The following LRRC49 variants were observed in gnomAD, a reference collection of about 807,000 sequenced individuals.
LRRC49 encodes leucine rich repeat containing 49, also known as leucine-rich repeat-containing protein 49.
A neutral mutation model predicts 83.3 loss-of-function variants in LRRC49; 50 were observed. The observed-to-expected ratio is 0.60, with a 90% CI of 0.48 to 0.76. The LOEUF (loss-of-function observed/expected upper bound fraction) is 0.76. Ranked by LOEUF, LRRC49 falls within the 30% of genes least tolerant of loss-of-function variation. LRRC49 has a pLI of 0.00. For synonymous variants in LRRC49, 286 were observed against 283.3 expected (o/e 1.01, Z -0.10); for missense variants, 704 against 809.1 (o/e 0.87, Z 1.58).
chr15:70,936,853 T>G, intron 8 of LRRC49, 31 bp downstream of exon 8: 1 of 1,412,108 alleles, frequency 7.1e-7, no homozygotes, highest in Non-Finnish European at 1.0e-6. Flanking sequence ...TGTCATTCAT[T>G]ATAACTTGAT....
At chr15:70,879,085 G>T (rs977320842) in intron 2 of LRRC49, among the ~76,000 whole-genome samples, 7 of 152,208 alleles carry the variant, frequency 4.6e-5, no homozygotes, top group Admixed American at 4.6e-4. Flanking sequence ...TTTCTTTGTG[G>T]AAAGGATTAT....
chr15:70,853,787 C>T lies in LRRC49; in HGVS notation c.-299+318C>T, dbSNP rs1261236098. 3.4e-6 allele frequency: 3 copies of T among 889,152 alleles called. No individual in the cohort carries two copies. In the African/African-American group the frequency reaches 5.3e-5, roughly 16 times the overall value. The allele number at this position is 889,152 out of a possible 1,614,324, so 55.1% of individuals were successfully genotyped here. ...TCCCCGGCGGCGGGGCTGACTCAAC[C>T]CCCTCTGCCCGAGGAGTTGTCGCGC... On this transcript the variant is annotated intron_variant, in intron 1 of 16. Coordinates refer to the LRRC49 transcript ENST00000544974.
At chr15:70,978,538 G>T (rs1279248001) in intron 9 of LRRC49, among the ~76,000 whole-genome samples, 1 of 152,182 alleles carries the variant, frequency 6.6e-6, no homozygotes, top group African/African-American at 2.4e-5. Context: ...AGAATATTTG[G>T]TGAACAGCTT....
intron 11 of LRRC49, among the ~76,000 whole-genome samples, chr15:70,999,610 A>C (rs745705413): frequency 6.6e-6 from 1 of 152,118 alleles, no homozygotes; most frequent in Non-Finnish European, 1.5e-5. Flanking sequence ...AAGATCAGCC[A>C]GGGGTTAGGG....
chr15:70,892,716 G>C (rs2033634080), upstream of LRRC49: 1 of 1,476,302 alleles, frequency 6.8e-7, no homozygotes, highest in African/African-American at 1.4e-5. Flanking sequence ...AATACAACTA[G>C]AAGCTGCAAC....
intron 11 of LRRC49, among the ~76,000 whole-genome samples, chr15:70,990,723 G>A (rs960049005): frequency 7.9e-5 from 12 of 152,224 alleles, no homozygotes; most frequent in Non-Finnish European, 1.3e-4. Flanking sequence ...CCCGTCTTCT[G>A]CGTCACTCAC....
chr15:70,988,908 C>T (rs2037746016), intron 11 of LRRC49, among the ~76,000 whole-genome samples: 1 of 152,066 alleles, frequency 6.6e-6, no homozygotes, highest in African/African-American at 2.4e-5. Flanking sequence ...CTTAGTTTGG[C>T]TGTATATGAA....
At chr15:70,948,591 A>G (rs1475247297) in intron 8 of LRRC49, among the ~76,000 whole-genome samples, 3 of 151,778 alleles carry the variant, frequency 2.0e-5, no homozygotes, top group Non-Finnish European at 2.9e-5. Context: ...TGATTTCTCA[A>G]GAAGGGTCCT....
At chr15:71,029,261 C>G (rs1225492595) in intron 14 of LRRC49, among the ~76,000 whole-genome samples, 1 of 151,942 alleles carries the variant, frequency 6.6e-6, no homozygotes, top group East Asian at 1.9e-4. Flanking sequence ...TACTATTTTC[C>G]CAGTAGTCAT....
At chr15:70,895,295 C>T (rs1457617948) in intron 2 of LRRC49, among the ~76,000 whole-genome samples, 1 of 151,954 alleles carries the variant, frequency 6.6e-6, no homozygotes, top group East Asian at 1.9e-4. Flanking sequence ...TCTTAGAAGG[C>T]TTAAATATAC....
At chr15:70,878,846 A>G (rs201698432) in intron 2 of LRRC49, among the ~76,000 whole-genome samples, 2 of 152,328 alleles carry the variant, frequency 1.3e-5, no homozygotes, top group East Asian at 3.9e-4. Flanking sequence ...ATTGCAGGAT[A>G]TGTTTGCTAA....
At chr15:70,972,779 C>T (rs995688571) in intron 9 of LRRC49, among the ~76,000 whole-genome samples, 6 of 151,972 alleles carry the variant, frequency 3.9e-5, no homozygotes, top group Admixed American at 2.0e-4. Flanking sequence ...ATCGATTTAG[C>T]TATTGATACT....
At position 70,923,430 on chromosome 15, in the gene LRRC49, T is replaced by C. The variant is rs187550307; in HGVS notation, c.711+4237T>C. On this transcript the variant is annotated intron_variant, in intron 7 of 15. Coordinates refer to ENST00000260382, the MANE Select transcript of LRRC49 (RefSeq NM_017691.5). ...GTTTAAAATTAATATATCTTCTTGGTAATTGTTCCTTTTATTGTTATGTAT... is the reference window on the plus strand; with the variant it reads ...GTTTAAAATTAATATATCTTCTTGGCAATTGTTCCTTTTATTGTTATGTAT... Among the ~76,000 whole-genome samples, 1,022 of 152,102 alleles carry C rather than the reference T, an allele frequency of 6.7e-3. 9 individuals are homozygous for C. Among genetic ancestry groups the C allele is most frequent in the Middle Eastern group, 0.017 (5 of 294 alleles).
At chr15:70,891,779 A>G, upstream of LRRC49, 2 of 1,399,272 alleles carry the variant, frequency 1.4e-6, no homozygotes, top group Non-Finnish European at 1.9e-6. Context: ...CCAAGGTGAC[A>G]CTAAGTGGAG....
intron 1 of LRRC49, among the ~76,000 whole-genome samples, chr15:70,857,259 T>C (rs929714272): frequency 1.3e-5 from 2 of 152,094 alleles, no homozygotes; most frequent in East Asian, 1.9e-4. Context: ...TTGGAATCAA[T>C]TGGAAATATT....
intron 1 of LRRC49, among the ~76,000 whole-genome samples, chr15:70,865,887 A>G (rs1291657613): frequency 6.6e-6 from 1 of 152,184 alleles, no homozygotes; most frequent in Non-Finnish European, 1.5e-5. Flanking sequence ...CAAGGCATAG[A>G]GTGAAACATT....
At chr15:70,993,145 T>G (rs774729510) in intron 11 of LRRC49, among the ~76,000 whole-genome samples, 10 of 152,202 alleles carry the variant, frequency 6.6e-5, no homozygotes, top group Non-Finnish European at 1.3e-4. Context: ...ATGCTAGCAA[T>G]GAGCGAGGCT....
chr15:70,996,219 G>T (rs531059285), intron 11 of LRRC49, among the ~76,000 whole-genome samples: 1 of 152,002 alleles, frequency 6.6e-6, no homozygotes, highest in Non-Finnish European at 1.5e-5. Context: ...AGATTATAAT[G>T]CAAAATCAGT....
At chr15:70,879,357 CT>C (rs1292471075) in intron 2 of LRRC49, among the ~76,000 whole-genome samples, 4 of 152,136 alleles carry the variant, frequency 2.6e-5, no homozygotes, top group Admixed American at 2.0e-4. Context: ...CTATTGATTC[CT>C]TTTTGTGTTG....
Sources: allele counts gnomAD v4.1 joint callset (sites outside exome capture counted in the v4.1 genomes callset), GRCh38; gene constraint gnomAD v4.1.1; transcripts MANE v1.5; gene names NCBI Gene and HGNC (gene_info 2026-07-23, HGNC 2026-07-21).